Variants in GABRG3 observed in about 807,000 individuals in gnomAD.
The protein encoded by GABRG3 is gamma-aminobutyric acid receptor subunit gamma-3.
Under a neutral mutation model 48.8 loss-of-function variants are expected in GABRG3, and 25 were observed. The ratio of observed to expected loss-of-function variants is 0.51; its 90% CI spans 0.37 to 0.72. The LOEUF (loss-of-function observed/expected upper bound fraction) is 0.72, where lower values mean the gene tolerates loss of function less well. GABRG3 is among the 30% of genes least tolerant of loss of function. The pLI is 0.00. For synonymous variants in GABRG3, 227 were observed against 217.6 expected, an observed-to-expected ratio of 1.04 and a Z score of -0.38; for missense variants, 394 against 577.9, an observed-to-expected ratio of 0.68 and a Z score of 3.26.
chr15:27,484,400 C>T (rs148866289), intron 6 of GABRG3, among the ~76,000 whole-genome samples: 406 of 152,160 alleles, frequency 2.7e-3, no homozygotes, highest in African/African-American at 8.4e-3. Flanking sequence ...TTGGAATTAT[C>T]GGAAACAGGC....
chr15:27,167,222 A>G lies in GABRG3; in HGVS notation c.270+140401A>G, dbSNP rs114017846. On this transcript the variant is annotated intron_variant, in intron 3 of 9. Coordinates refer to ENST00000615808, the MANE Select transcript of GABRG3 (RefSeq NM_033223.5). ...CGAGGTCCCCTGGGCCTCCTCTGTC[A>G]TGGGCCCCCTGATTCTTTTCCTCTC... 6.8e-3 allele frequency among the ~76,000 whole-genome samples: 1,039 copies of G among 152,254 alleles called. 20 individuals are homozygous for G. The highest frequency in any genetic ancestry group is 0.024 in the African/African-American group (1,001 of 41,548).
chr15:27,026,930 T>A (rs1895994230), intron 3 of GABRG3, 109 bp downstream of exon 3: 2 of 677,528 alleles, frequency 3.0e-6, no homozygotes, highest in Admixed American at 3.5e-5. Context: ...AAACTCACAC[T>A]GACTTCTTAA....
At chr15:27,402,711 C>A (rs907841257) in intron 5 of GABRG3, among the ~76,000 whole-genome samples, 3 of 152,148 alleles carry the variant, frequency 2.0e-5, no homozygotes, top group African/African-American at 4.8e-5. Context: ...TTGTCTTAAG[C>A]CCCAAATTAT....
In GABRG3 at chr15:27,352,127, T is replaced by A. The variant is rs1385974990; in HGVS notation, c.574+23239T>A. On this transcript the variant is annotated intron_variant, in intron 5 of 9. Transcript: ENST00000615808. The surrounding 1 kb of genome is among the most constrained non-coding windows in gnomAD (Gnocchi z 4.0). ...TGTATGTATGGTGTGTGTGTATGTA[T>A]GATGTGTGTATTGTGTGTTTGTGTA... Among the ~76,000 whole-genome samples, 1 of 149,404 alleles carries A rather than the reference T, an allele frequency of 6.7e-6. No homozygotes were observed. Among genetic ancestry groups the A allele is most frequent in the Non-Finnish European group, 1.5e-5 (1 of 67,286 alleles).
chr15:27,099,882 A>C (rs1456176696), intron 3 of GABRG3, among the ~76,000 whole-genome samples: 1 of 152,154 alleles, frequency 6.6e-6, no homozygotes, highest in Non-Finnish European at 1.5e-5. Context: ...AGTTGAGAAT[A>C]CTATAATAGA....
chr15:27,013,570 C>A (rs997424778), intron 2 of GABRG3, among the ~76,000 whole-genome samples: 19 of 151,982 alleles, frequency 1.3e-4, no homozygotes, highest in African/African-American at 4.6e-4. Flanking sequence ...AGAGTGCTAA[C>A]CTCATTCTTT....
chr15:27,123,024 C>T (rs978124294), intron 3 of GABRG3, among the ~76,000 whole-genome samples: 1 of 152,150 alleles, frequency 6.6e-6, no homozygotes, highest in Admixed American at 6.5e-5. Context: ...GTGTGGAGCT[C>T]AGGGGATCCC....
chr15:27,255,570 C>T (rs776364059), intron 3 of GABRG3, among the ~76,000 whole-genome samples: 1 of 152,108 alleles, frequency 6.6e-6, no homozygotes. Context: ...CAAATGGCAG[C>T]TTGTATTCCA....
intron 3 of GABRG3, among the ~76,000 whole-genome samples, chr15:27,138,613 T>A (rs1898049906): frequency 6.6e-6 from 1 of 152,204 alleles, no homozygotes; most frequent in Non-Finnish European, 1.5e-5. Context: ...CCCCCCTGGA[T>A]GCCTTCATCT....
At chr15:27,443,325 A>T (rs1361544872) in intron 5 of GABRG3, among the ~76,000 whole-genome samples, 3 of 152,232 alleles carry the variant, frequency 2.0e-5, no homozygotes, top group African/African-American at 7.2e-5. Context: ...GAGTCTTTCC[A>T]TGTGCTACAT....
chr15:27,326,131 C>T (rs868841954), intron 3 of GABRG3, among the ~76,000 whole-genome samples: 8 of 152,252 alleles, frequency 5.3e-5, no homozygotes, highest in Non-Finnish European at 7.4e-5. Context: ...TACTGGGCAC[C>T]GTGAACACTG....
intron 5 of GABRG3, chr15:27,422,333 C>T (rs1157060655): frequency 6.6e-6 from 1 of 152,592 alleles, no homozygotes; most frequent in African/African-American, 2.4e-5. Context: ...ACTGAGTGTT[C>T]TAAGATATCC....
intron 3 of GABRG3, among the ~76,000 whole-genome samples, chr15:27,070,791 G>A (rs1270350771): frequency 6.6e-6 from 1 of 152,226 alleles, no homozygotes; most frequent in African/African-American, 2.4e-5. Flanking sequence ...AATCACTAAA[G>A]TAAGTGTTTC....
chr15:27,150,823 G>A (rs926744045), intron 3 of GABRG3, among the ~76,000 whole-genome samples: 4 of 152,166 alleles, frequency 2.6e-5, no homozygotes, highest in African/African-American at 9.7e-5. Flanking sequence ...TTAGTAGCAG[G>A]GGGTTGGGAA....
At chr15:27,254,256 G>T (rs1440710952) in intron 3 of GABRG3, among the ~76,000 whole-genome samples, 2 of 152,190 alleles carry the variant, frequency 1.3e-5, no homozygotes, top group Admixed American at 6.5e-5. Context: ...GAACCAGGCT[G>T]CGAGGTTTCC....
intron 3 of GABRG3, among the ~76,000 whole-genome samples, chr15:27,213,935 GAGTTTCCAA>G (rs1676314386): frequency 6.6e-6 from 1 of 152,234 alleles, no homozygotes; most frequent in Non-Finnish European, 1.5e-5. Context: ...GGGAAACTCA[GAGTTTCCAA>G]AGTTTGTTAC....
intron 5 of GABRG3, chr15:27,366,047 AC>A (rs1239288669): frequency 1.3e-5 from 2 of 152,224 alleles, no homozygotes; most frequent in African/African-American, 4.8e-5. Context: ...AGGAAGAAGA[AC>A]GAAAACTTGC....
chr15:27,351,638 G>T (rs1894604308), intron 5 of GABRG3, among the ~76,000 whole-genome samples: 1 of 150,278 alleles, frequency 6.7e-6, no homozygotes, highest in African/African-American at 2.5e-5. Flanking sequence ...ATGTGTTTGT[G>T]TGTATGGTCT....
chr15:27,081,237 G>A (rs1896988142), intron 3 of GABRG3, among the ~76,000 whole-genome samples: 3 of 151,954 alleles, frequency 2.0e-5, no homozygotes, highest in African/African-American at 7.3e-5. Context: ...AGAAAGCTGG[G>A]GCCCAGAGGC....
Sources: allele counts gnomAD v4.1 joint callset (sites outside exome capture counted in the v4.1 genomes callset), GRCh38; gene constraint gnomAD v4.1.1; non-coding constraint Gnocchi (gnomAD v3.1); transcripts MANE v1.5; gene names NCBI Gene and HGNC (gene_info 2026-07-23, HGNC 2026-07-21).